Variants in FOXP1 observed in about 807,000 individuals in gnomAD.
FOXP1 encodes the protein forkhead box P1.
In FOXP1, 15 loss-of-function variants were observed where a neutral mutation model predicts 98.2. The ratio of observed to expected loss-of-function variants is 0.15; its 90% confidence interval spans 0.10 to 0.24. The LOEUF (loss-of-function observed/expected upper bound fraction) is 0.24. FOXP1 is among the 10% of genes least tolerant of loss of function. The pLI is 1.00. For synonymous variants in FOXP1, 371 were observed against 314.5 expected (o/e 1.18, Z -1.90); for missense variants, 633 against 848.5 (o/e 0.75, Z 3.15).
At chr3:70,963,341 G>A (rs2034006699) in intron 20 of FOXP1, among the ~76,000 whole-genome samples, 2 of 152,132 alleles carry the variant, frequency 1.3e-5, no homozygotes, top group Non-Finnish European at 2.9e-5. Flanking sequence ...TCTTGATGCC[G>A]GCAGATACCC....
At chr3:71,216,664 C>G (rs1165382590) in intron 5 of FOXP1, among the ~76,000 whole-genome samples, 1 of 151,934 alleles carries the variant, frequency 6.6e-6, no homozygotes, top group Admixed American at 6.6e-5. Context: ...ATTTTTATTG[C>G]CTGGAATGAG....
intron 7 of FOXP1, among the ~76,000 whole-genome samples, chr3:71,084,220 C>A (rs1478153400): frequency 6.6e-6 from 1 of 152,124 alleles, no homozygotes; most frequent in Non-Finnish European, 1.5e-5. Flanking sequence ...ATTCACCAAG[C>A]CCTGGGAATT....
intron 20 of FOXP1, among the ~76,000 whole-genome samples, chr3:70,960,436 T>A (rs950386618): frequency 6.6e-6 from 1 of 152,130 alleles, no homozygotes; most frequent in Non-Finnish European, 1.5e-5. Context: ...GGGACTGGGG[T>A]GATCACACAA....
chr3:71,520,026 T>G (rs574658844), intron 2 of FOXP1, among the ~76,000 whole-genome samples: 1 of 152,148 alleles, frequency 6.6e-6, no homozygotes, highest in East Asian at 1.9e-4. Flanking sequence ...AGAAATAAAA[T>G]TAGATGAAAA....
chr3:71,061,129 C>CA (rs2051410298), intron 7 of FOXP1, among the ~76,000 whole-genome samples: 1 of 150,484 alleles, frequency 6.6e-6, no homozygotes, highest in South Asian at 2.1e-4. Context: ...AGGCTGAATG[C>CA]AAAATGTCAC....
At chr3:70,980,183 C>A (rs1202940333) in intron 14 of FOXP1, among the ~76,000 whole-genome samples, 2 of 151,956 alleles carry the variant, frequency 1.3e-5, no homozygotes, top group African/African-American at 4.8e-5. Context: ...AGCTGAGAAG[C>A]CAAGGGGGGA....
chr3:71,382,168 G>A (rs1371348811), intron 3 of FOXP1, among the ~76,000 whole-genome samples: 1 of 152,068 alleles, frequency 6.6e-6, no homozygotes. Context: ...CCAGCTACTT[G>A]GGAAGCGGAG....
At chr3:71,347,862 C>T (rs535710691) in intron 4 of FOXP1, among the ~76,000 whole-genome samples, 3 of 143,320 alleles carry the variant, frequency 2.1e-5, no homozygotes, top group African/African-American at 7.6e-5. Context: ...TCCGGCTCAG[C>T]AACAAGAGCA....
At chr3:71,155,374 A>G (rs570454382) in intron 6 of FOXP1, among the ~76,000 whole-genome samples, 8 of 152,238 alleles carry the variant, frequency 5.3e-5, no homozygotes, top group Non-Finnish European at 1.2e-4. Context: ...AAATGGTAAA[A>G]GATAACAAGT....
At chr3:71,053,809 A>G in intron 7 of FOXP1, 36 bp from the exon 8 acceptor site, 1 of 1,613,518 alleles carries the variant, frequency 6.2e-7, no homozygotes, top group South Asian at 1.1e-5. Context: ...GGAAGCCAGG[A>G]AATCAGAAGC....
At chr3:71,051,450 G>A (rs1321450630) in intron 9 of FOXP1, among the ~76,000 whole-genome samples, 1 of 152,138 alleles carries the variant, frequency 6.6e-6, no homozygotes, top group African/African-American at 2.4e-5. Flanking sequence ...GAATGTCTGG[G>A]TCACTCCCAG....
chr3:71,155,826 T>C (rs997491113), intron 6 of FOXP1, among the ~76,000 whole-genome samples: 5 of 152,146 alleles, frequency 3.3e-5, no homozygotes, highest in African/African-American at 1.2e-4. Flanking sequence ...ATACATTCCT[T>C]CTTGAAATCA....
intron 9 of FOXP1, among the ~76,000 whole-genome samples, chr3:71,047,960 A>G (rs2049261264): frequency 6.6e-6 from 1 of 152,228 alleles, no homozygotes; most frequent in African/African-American, 2.4e-5. Flanking sequence ...AAAAAAATTA[A>G]TGTAGATTTC....
intron 6 of FOXP1, among the ~76,000 whole-genome samples, chr3:71,133,857 C>CA (rs1462691655): frequency 2.0e-5 from 3 of 151,444 alleles, no homozygotes; most frequent in African/African-American, 7.3e-5. Context: ...CACTTTAAAA[C>CA]AAAAAAACAC....
chr3:71,073,117 T>C (rs1022646256), intron 7 of FOXP1, among the ~76,000 whole-genome samples: 10 of 152,212 alleles, frequency 6.6e-5, no homozygotes, highest in Non-Finnish European at 1.0e-4. Flanking sequence ...GTTTGAACAA[T>C]AGGAGGAATG....
intron 3 of FOXP1, among the ~76,000 whole-genome samples, chr3:71,427,678 G>C (rs2084287831): frequency 6.6e-6 from 1 of 152,238 alleles, no homozygotes; most frequent in Non-Finnish European, 1.5e-5. Context: ...GCTCAGGAAG[G>C]AGAATGATAC....
intron 3 of FOXP1, among the ~76,000 whole-genome samples, chr3:71,480,368 G>A (rs2090179063): frequency 1.3e-5 from 2 of 152,134 alleles, no homozygotes; most frequent in Non-Finnish European, 2.9e-5. Context: ...ACAGTTACCT[G>A]GCTTGAAATG....
At position 71,459,592 on chromosome 3, in the gene FOXP1, C is replaced by T. The variant is rs556498126; in HGVS notation, c.-168+33834G>A. Among the ~76,000 whole-genome samples, 6 of 152,242 alleles carry T rather than the reference C, an allele frequency of 3.9e-5. No individual in the cohort carries two copies. In the South Asian group the frequency reaches 6.2e-4, roughly 16 times the overall value. ...GCAATCTCCCTCTTCGTCTTGTGTC[C>T]CTCATGTAATAGATATGGGGTTGTT... On this transcript the variant is annotated intron_variant, in intron 3 of 20. Coordinates refer to ENST00000649528, the MANE Select transcript of FOXP1 (RefSeq NM_001349338.3).
intron 3 of FOXP1, among the ~76,000 whole-genome samples, chr3:71,420,726 A>C: frequency 6.8e-6 from 1 of 146,392 alleles, no homozygotes; most frequent in African/African-American, 2.6e-5. Context: ...TTTTTTTTTG[A>C]GACAGGGTCT....
Sources: allele counts gnomAD v4.1 joint callset (sites outside exome capture counted in the v4.1 genomes callset), GRCh38; gene constraint gnomAD v4.1.1; transcripts MANE v1.5; gene names NCBI Gene and HGNC (gene_info 2026-07-23, HGNC 2026-07-21).